Variants in PBXIP1 observed in about 807,000 individuals in gnomAD.
The protein encoded by PBXIP1 is pre-B-cell leukemia transcription factor-interacting protein 1.
Under a neutral mutation model 73.7 loss-of-function variants are expected in PBXIP1, and 73 were observed. The observed-to-expected ratio is 0.99, with a 90% CI of 0.82 to 1.20. The LOEUF (loss-of-function observed/expected upper bound fraction) is 1.20, where lower values mean the gene tolerates loss of function less well. Ranked by LOEUF, PBXIP1 falls within the 50% of genes most tolerant of loss-of-function variation. The probability of loss-of-function intolerance (pLI) is 0.00; values close to 1 mark genes in which losing one functional copy is unlikely to be tolerated. For synonymous variants in PBXIP1, 330 were observed against 366.9 expected (o/e 0.90, Z 1.15); for missense variants, 818 against 911.4 (o/e 0.90, Z 1.32).
At position 154,946,602 on chromosome 1, in the gene PBXIP1, T is replaced by G; in HGVS notation, c.1072A>C (p.Arg358=). ...GPDGVCLSGG[R]GPQGDKAIRE... is the part of the protein sequence containing the mutation. ...ATGGCCTTGTCACCCTGTGGGCCTCTACCCCCACTGAGGCACACCCCATCT... is the reference window on the plus strand; with the variant it reads ...ATGGCCTTGTCACCCTGTGGGCCTCGACCCCCACTGAGGCACACCCCATCT... The change falls in exon 10 of 11, where the codon AGA becomes CGA. Residue 358 remains arginine (R), a synonymous_variant. Coordinates refer to ENST00000368463, the MANE Select transcript of PBXIP1 (RefSeq NM_020524.4). 1 of 1,613,080 alleles carries G rather than the reference T, an allele frequency of 6.2e-7. No homozygotes were observed. The highest frequency in any genetic ancestry group is 8.5e-7 in the Non-Finnish European group (1 of 1,179,616).
intron 9 of PBXIP1, 122 bp downstream of exon 9, chr1:154,947,295 T>C: frequency 8.4e-7 from 1 of 1,189,914 alleles, no homozygotes; most frequent in Non-Finnish European, 1.2e-6. Context: ...CTGACTATAG[T>C]GGGAGAGGGG....
In PBXIP1 at chr1:154,944,968, T is replaced by C. The variant is rs1450991050; in HGVS notation, c.*56A>G. On this transcript the variant is annotated 3_prime_UTR_variant, in exon 11 of 11. Transcript: ENST00000368463. ...CAGAGTCCACCCTCCAGGAGTTAGA[T>C]AACGCTGGGATCTTGGGCTGGGCCA... 3 of 1,406,170 alleles carry C rather than the reference T, an allele frequency of 2.1e-6. No homozygotes were observed. The highest frequency in any genetic ancestry group is 1.2e-5 in the South Asian group (1 of 86,544). 87.1% of individuals were successfully genotyped at this position (1,406,170 alleles called of 1,614,324 possible). A position where few individuals can be genotyped will look rare whatever the true frequency, so the allele number is the denominator to read the frequency against.
rs760577556 is a variant in PBXIP1, at chr1:154,947,480, A to G, written c.807T>C (p.Gly269=). ...PDSVPSLQNM[G]LLLDKLAKEN... ...CCTTGGCCAGCTTGTCCAGCAGAAG[A>G]CCCATGTTTTGCAGGCTGGGGACAC... is the stretch of plus-strand genomic sequence containing the variant. The change falls in exon 9 of 11, where the codon GGT becomes GGC. Residue 269 remains glycine (G), a synonymous_variant. Coordinates refer to ENST00000368463, the MANE Select transcript of PBXIP1 (RefSeq NM_020524.4). 1.2e-6 allele frequency: 2 copies of G among 1,613,272 alleles called. No homozygotes were observed. The highest frequency in any genetic ancestry group is 2.7e-5 in the African/African-American group (2 of 74,788).
rs543557006 is a variant in PBXIP1 at position 154,954,538 on chromosome 1, G to A, written c.-36-781C>T. Among the ~76,000 whole-genome samples, 82 of 152,328 alleles carry A rather than the reference G, an allele frequency of 5.4e-4. 1 individual carries two copies. Among genetic ancestry groups the A allele is most frequent in the African/African-American group, 2.0e-3 (82 of 41,568 alleles). On this transcript the variant is annotated intron_variant, in intron 1 of 10. Coordinates refer to ENST00000368463, the MANE Select transcript of PBXIP1 (RefSeq NM_020524.4). ...GTTTACCTTCTTAGTAATCGCCAGA[G>A]TTTGGTCTTAGGGAACTTGAAGGTG...
intron 1 of PBXIP1, among the ~76,000 whole-genome samples, chr1:154,955,272 T>G (rs1655142778): frequency 6.6e-6 from 1 of 152,008 alleles, no homozygotes; most frequent in African/African-American, 2.4e-5. Context: ...TTGCTGACTG[T>G]TAACAGGTGG....
chr1:154,955,985 T>C (rs1655165365), intron 1 of PBXIP1, 84 bp downstream of exon 1: 2 of 152,370 alleles, frequency 1.3e-5, no homozygotes, highest in South Asian at 4.1e-4. Flanking sequence ...AGCTCATTCC[T>C]TCTAGATTAG....
rs1255131957 is a variant in PBXIP1, at chr1:154,953,674, G to A, written c.48C>T (p.Ser16=). Residue 16 remains serine, a synonymous_variant, in exon 2 of 11, where the codon TCC becomes TCT. Transcript: ENST00000368463. ...DSDNSWVLAG[S]ESLPVETLGP... ...TTCCCAGGCCCGCTCTTCCTACCTC[G>A]GAGCCAGCAAGCACCCAGCTATTAT... 21 of 1,609,798 alleles carry A rather than the reference G, an allele frequency of 1.3e-5. No homozygotes were observed. Among genetic ancestry groups the A allele is most frequent in the African/African-American group, 2.7e-5 (2 of 74,658 alleles).
rs1655001526 is a variant in PBXIP1, at chr1:154,951,413, C to T, written c.244-16G>A. 1 of 1,614,024 alleles carries T rather than the reference C, an allele frequency of 6.2e-7. No homozygotes were observed. The highest frequency in any genetic ancestry group is 1.1e-5 in the South Asian group (1 of 91,074). On this transcript the variant is annotated splice_polypyrimidine_tract_variant and intron_variant, in intron 4 of 10. Transcript: ENST00000368463. This position sits in a 1 kb window ranked among gnomAD's most constrained non-coding sequence, Gnocchi z 4.3. ...CCAGGGTGCCCTAATGCAGATGCAG[C>T]AGTGAGCAGCTGCTAGCCCTCCCCG...
At chr1:154,949,981 T>C (rs1258737941) in intron 5 of PBXIP1, among the ~76,000 whole-genome samples, 1 of 151,816 alleles carries the variant, frequency 6.6e-6, no homozygotes, top group Non-Finnish European at 1.5e-5. Flanking sequence ...AGCCTATTTT[T>C]ATTTTTATTT....
chr1:154,948,473 G>T, intron 5 of PBXIP1, 107 bp from the exon 6 acceptor site: 2 of 772,470 alleles, frequency 2.6e-6, no homozygotes, highest in Non-Finnish European at 4.1e-6. Context: ...CGTCAGCCCT[G>T]ACCCCAGAGA....
intron 7 of PBXIP1, 99 bp from the exon 8 acceptor site, chr1:154,947,811 C>A (rs942035885): frequency 7.0e-7 from 1 of 1,419,608 alleles, no homozygotes; most frequent in Admixed American, 1.7e-5. Flanking sequence ...GCTCAGGACC[C>A]ACCCTGTGGC....
In PBXIP1 at chr1:154,947,691, C is replaced by T. The variant is rs201989138; in HGVS notation, c.689G>A (p.Arg230Gln). The T allele has an allele frequency of 1.1e-4, 183 of 1,613,672 alleles. No homozygotes were observed. The highest frequency in any genetic ancestry group is 1.5e-4 in the Non-Finnish European group (178 of 1,179,954). The stretch of plus-strand genomic sequence containing the variant: ...CACCTCGGGGTCTGGGAGGACCTGC[C>T]GCTCCACTTCCTCCATGGGCCCTGT... ...SETGPMEEVE[R>Q]QVLPDPEVLE... Residue 230 changes from arginine to glutamine, a missense_variant, in exon 8 of 11, where the codon CGG becomes CAG. Physicochemically the swap from Arg to Gln is conservative, Grantham distance 43. Transcript: ENST00000368463.
At chr1:154,955,247 T>A (rs1184417003) in intron 1 of PBXIP1, among the ~76,000 whole-genome samples, 1 of 151,844 alleles carries the variant, frequency 6.6e-6, no homozygotes, top group African/African-American at 2.4e-5. Context: ...CTTGTTATCA[T>A]CTCCCCATCC....
Position 154,948,385 on chromosome 1 carries a change from A to G in PBXIP1, c.410-19T>C, listed in dbSNP as rs2101985437. ...ATCCAAGCTAGGGGAAAGGACAGGG[A>G]CAGGGCAGTGAGGTGACTGGAGAGA... On this transcript the variant is annotated intron_variant, in intron 5 of 10. Transcript: ENST00000368463. 1.3e-6 allele frequency: 2 copies of G among 1,526,462 alleles called. No homozygotes were observed. Among genetic ancestry groups the G allele is most frequent in the East Asian group, 4.7e-5 (2 of 42,774 alleles). The allele number at this position is 1,526,462 out of a possible 1,614,324, so 94.6% of individuals were successfully genotyped here.
Position 154,947,878 on chromosome 1 carries a change from C to A in PBXIP1, c.667+104G>T, listed in dbSNP as rs557441750. 2.1e-6 allele frequency: 3 copies of A among 1,404,756 alleles called. No individual in the cohort carries two copies. The South Asian group carries it at 3.5e-5, about 16-fold the overall frequency. The allele number at this position is 1,404,756 out of a possible 1,614,324, so 87.0% of individuals were successfully genotyped here. On this transcript the variant is annotated intron_variant, in intron 7 of 10. Coordinates refer to ENST00000368463, the MANE Select transcript of PBXIP1 (RefSeq NM_020524.4). ...GCACCCTGAACAGCTGACAAGGCCA[C>A]TAACTGAGAAATAAATGTGAGCCCC...
chr1:154,944,757 C>T lies in PBXIP1; in HGVS notation c.*267G>A. On this transcript the variant is annotated 3_prime_UTR_variant, in exon 11 of 11. Coordinates refer to ENST00000368463, the MANE Select transcript of PBXIP1 (RefSeq NM_020524.4). ...CCCACCCCAAAACAGGCTCCTCTCC[C>T]ATCTCCCCCTTCACAGTGACAAAAC... 2.3e-6 allele frequency: 1 copy of T among 432,228 alleles called. No homozygotes were observed. Among genetic ancestry groups the T allele is most frequent in the African/African-American group, 2.0e-5 (1 of 49,820 alleles). 26.8% of individuals were successfully genotyped at this position (432,228 alleles called of 1,614,324 possible).
At chr1:154,947,745 G>A (rs372172392) in intron 7 of PBXIP1, 33 bp from the exon 8 acceptor site, 22 of 1,593,140 alleles carry the variant, frequency 1.4e-5, no homozygotes, top group African/African-American at 1.1e-4. Context: ...AACTGGTCCT[G>A]AGGCACACAG....
Position 154,951,447 on chromosome 1 carries a change from C to G in PBXIP1, c.243+24G>C, listed in dbSNP as rs769098602. Reference sequence around the variant, plus strand: ...GCTGCTAGCCCTCCCCGCCTCCCTTCCTTCCCACAGCAAATCTCCTCACCT... The same window carrying G: ...GCTGCTAGCCCTCCCCGCCTCCCTTGCTTCCCACAGCAAATCTCCTCACCT... On this transcript the variant is annotated intron_variant, in intron 4 of 10. Transcript: ENST00000368463. This position sits in a 1 kb window ranked among gnomAD's most constrained non-coding sequence, Gnocchi z 4.3. 29 of 1,613,968 alleles carry G rather than the reference C, an allele frequency of 1.8e-5. No homozygotes were observed. Among genetic ancestry groups the G allele is most frequent in the Non-Finnish European group, 2.4e-5 (28 of 1,179,958 alleles).
Position 154,951,407 on chromosome 1 carries a change from A to G in PBXIP1, c.244-10T>C, listed in dbSNP as rs201533099. On this transcript the variant is annotated splice_polypyrimidine_tract_variant and intron_variant, in intron 4 of 10. Transcript: ENST00000368463. The surrounding 1 kb of genome is among the most constrained non-coding windows in gnomAD (Gnocchi z 4.3). ...CACCTTCCAGGGTGCCCTAATGCAG[A>G]TGCAGCAGTGAGCAGCTGCTAGCCC... 1.2e-6 allele frequency: 2 copies of G among 1,614,014 alleles called. No individual in the cohort carries two copies. Among genetic ancestry groups the G allele is most frequent in the Middle Eastern group, 3.3e-4 (2 of 6,062 alleles).
Sources: allele counts gnomAD v4.1 joint callset (sites outside exome capture counted in the v4.1 genomes callset), GRCh38; gene constraint gnomAD v4.1.1; non-coding constraint Gnocchi (gnomAD v3.1); transcripts MANE v1.5; gene names NCBI Gene and HGNC (gene_info 2026-07-23, HGNC 2026-07-21).